The following MCTP2 variants were observed in gnomAD, a reference collection of about 807,000 sequenced individuals.
The protein encoded by MCTP2 is multiple C2 and transmembrane domain containing 2, also known as multiple C2 and transmembrane domain-containing protein 2.
A neutral mutation model predicts 111.6 loss-of-function variants in MCTP2; 132 were observed. That is an observed-to-expected ratio of 1.18 (90% CI 1.03 to 1.37). The LOEUF (loss-of-function observed/expected upper bound fraction) is 1.37. Among genes scored for constraint, MCTP2 ranks in the 40% most tolerant of loss-of-function variants. MCTP2 has a pLI of 0.00. For synonymous variants in MCTP2, 395 were observed against 387.7 expected, an observed-to-expected ratio of 1.02 and a Z score of -0.22; for missense variants, 1,183 against 1,067.9, an observed-to-expected ratio of 1.11 and a Z score of -1.50.
chr15:94,473,646 G>A (rs1313766085), intron 21 of MCTP2, among the ~76,000 whole-genome samples: 1 of 152,066 alleles, frequency 6.6e-6, no homozygotes, highest in South Asian at 2.1e-4. Context: ...TTTTTTCAGG[G>A]TAGATATTAA....
At chr15:94,440,433 T>G (rs1217042250) in intron 18 of MCTP2, 135 bp downstream of exon 18, 1 of 1,023,786 alleles carries the variant, frequency 9.8e-7, no homozygotes, top group African/African-American at 1.6e-5. Context: ...GCACTCATTT[T>G]GCAGTGGAGG....
intron 1 of MCTP2, among the ~76,000 whole-genome samples, chr15:94,233,835 A>G (rs960315431): frequency 1.3e-5 from 2 of 152,200 alleles, no homozygotes; most frequent in African/African-American, 4.8e-5. Flanking sequence ...TCTGAATTCA[A>G]ATAATATTTC....
At chr15:94,286,336 A>C (rs2074753369) in intron 1 of MCTP2, among the ~76,000 whole-genome samples, 1 of 152,096 alleles carries the variant, frequency 6.6e-6, no homozygotes, top group African/African-American at 2.4e-5. Flanking sequence ...ACTATTATTG[A>C]CCCTATTTTT....
At position 94,370,196 on chromosome 15, in the gene MCTP2, A is replaced by C. The variant is rs755612401; in HGVS notation, c.1582+16A>C. The C allele has an allele frequency of 1.9e-6, 3 of 1,575,208 alleles. No individual in the cohort carries two copies. The South Asian group carries it at 3.5e-5, about 18-fold the overall frequency. ...GATTTCTCAGGTACAGGACATTTTC[A>C]TTTTCTAATTTATCTTTATTTATTT... On this transcript the variant is annotated intron_variant, in intron 12 of 22. Transcript: ENST00000357742.
chr15:94,438,651 G>T (rs1225225349), intron 17 of MCTP2, among the ~76,000 whole-genome samples: 1 of 152,034 alleles, frequency 6.6e-6, no homozygotes, highest in Non-Finnish European at 1.5e-5. Context: ...AACCATTCTT[G>T]ATCTTAAAAA....
chr15:94,417,525 A>G (rs1460392072), intron 17 of MCTP2, among the ~76,000 whole-genome samples: 1 of 152,116 alleles, frequency 6.6e-6, no homozygotes, highest in Admixed American at 6.6e-5. Context: ...GTGTGTGCGC[A>G]CATGTTTTAA....
intron 8 of MCTP2, among the ~76,000 whole-genome samples, chr15:94,349,375 C>T (rs2078172999): frequency 6.6e-6 from 1 of 152,196 alleles, no homozygotes; most frequent in South Asian, 2.1e-4. Context: ...TGAGCACATA[C>T]ACTTGCGGTA....
intron 14 of MCTP2, among the ~76,000 whole-genome samples, chr15:94,390,589 G>A (rs1478236225): frequency 6.6e-6 from 1 of 151,976 alleles, no homozygotes; most frequent in Non-Finnish European, 1.5e-5. Flanking sequence ...TTACCCAATG[G>A]ACCCATTTCA....
chr15:94,235,231 G>T (rs2070458127), intron 1 of MCTP2, among the ~76,000 whole-genome samples: 1 of 148,548 alleles, frequency 6.7e-6, no homozygotes, highest in South Asian at 2.2e-4. Flanking sequence ...TCCAGCCTGG[G>T]AGACAAGAGC....
intron 21 of MCTP2, among the ~76,000 whole-genome samples, chr15:94,472,044 C>G (rs1371840083): frequency 2.0e-5 from 3 of 152,190 alleles, no homozygotes; most frequent in African/African-American, 7.2e-5. Context: ...CATCCTGGTG[C>G]TTGCTTGGTC....
At chr15:94,427,529 C>T (rs904470471) in intron 17 of MCTP2, among the ~76,000 whole-genome samples, 16 of 152,202 alleles carry the variant, frequency 1.1e-4, no homozygotes, top group African/African-American at 3.6e-4. Context: ...TTTCTAACAA[C>T]CAGATCTCAT....
chr15:94,263,554 C>T (rs1288303749), intron 1 of MCTP2, among the ~76,000 whole-genome samples: 2 of 152,204 alleles, frequency 1.3e-5, no homozygotes, highest in Non-Finnish European at 2.9e-5. Context: ...TGTGTCTTCT[C>T]TGTAAGACAC....
intron 1 of MCTP2, among the ~76,000 whole-genome samples, chr15:94,297,592 A>C (rs983059070): frequency 2.0e-5 from 3 of 152,130 alleles, no homozygotes; most frequent in Admixed American, 6.6e-5. Context: ...AAGGAAGTTG[A>C]CATGGTTAAA....
chr15:94,362,559 T>C (rs2078995220), intron 10 of MCTP2, among the ~76,000 whole-genome samples: 1 of 152,064 alleles, frequency 6.6e-6, no homozygotes, highest in Non-Finnish European at 1.5e-5. Flanking sequence ...TCTGGACAAA[T>C]TGCACCCCAT....
intron 1 of MCTP2, among the ~76,000 whole-genome samples, chr15:94,264,066 ACTT>A (rs968299374): frequency 1.3e-5 from 2 of 152,020 alleles, no homozygotes; most frequent in Non-Finnish European, 2.9e-5. Context: ...GATGTCCCTC[ACTT>A]CTTCTTGGTC....
At chr15:94,328,527 T>A (rs1468374361) in intron 4 of MCTP2, among the ~76,000 whole-genome samples, 2 of 152,234 alleles carry the variant, frequency 1.3e-5, no homozygotes, top group Non-Finnish European at 2.9e-5. Context: ...TAAGAGATAT[T>A]CTGCCTGTGC....
rs113248731 is a variant in MCTP2 at position 94,417,889 on chromosome 15, C to T, written c.2085+15870C>T. Among the ~76,000 whole-genome samples the T allele has an allele frequency of 7.9e-3, 1,196 of 152,168 alleles. 11 individuals carry two copies. Among genetic ancestry groups the T allele is most frequent in the African/African-American group, 0.028 (1,148 of 41,530 alleles). ...CGGGTACCTTAGTCGGTTTTAAACA[C>T]ATTGAATATGTACAGAGCTATTGCA... is the stretch of plus-strand genomic sequence containing the variant. On this transcript the variant is annotated intron_variant, in intron 17 of 22. Coordinates refer to ENST00000357742, the MANE Select transcript of MCTP2 (RefSeq NM_001385001.1).
chr15:94,446,119 T>A (rs955571542), intron 19 of MCTP2, among the ~76,000 whole-genome samples: 2 of 152,262 alleles, frequency 1.3e-5, no homozygotes, highest in African/African-American at 4.8e-5. Context: ...TTCATGGTAG[T>A]AACTTGTATT....
chr15:94,335,494 A>T (rs909457865), intron 4 of MCTP2, among the ~76,000 whole-genome samples: 1 of 152,230 alleles, frequency 6.6e-6, no homozygotes, highest in African/African-American at 2.4e-5. Context: ...TCAATGGCTG[A>T]TTGATTTCCA....
Sources: gnomAD v4.1 joint callset for allele counts (sites outside exome capture counted in the v4.1 genomes callset) on GRCh38, gnomAD v4.1.1 for gene constraint, MANE v1.5 for transcripts, NCBI Gene and HGNC (gene_info 2026-07-23, HGNC 2026-07-21) for gene names.